The following ANO4 variants were observed in gnomAD, a reference collection of about 807,000 sequenced individuals.
The protein encoded by ANO4 is anoctamin 4, also known as anoctamin-4.
ANO4 carries 69 observed loss-of-function variants against 141.9 expected under a neutral mutation model. The ratio of observed to expected loss-of-function variants is 0.49; its 90% CI spans 0.40 to 0.59. ANO4 has a LOEUF of 0.59. ANO4 is among the 20% of genes least tolerant of loss of function. ANO4 has a pLI of 0.00. For missense variants in ANO4, 894 were observed against 1,162.2 expected (o/e 0.77, Z 3.36); for synonymous variants, 350 against 394.3 (o/e 0.89, Z 1.33).
rs1380039563 is a variant in ANO4 at position 101,128,345 on chromosome 12, T to TA, written c.*491dup. The TA allele has an allele frequency of 1.3e-5, 2 of 152,662 alleles. No individual in the cohort carries two copies. The highest frequency in any genetic ancestry group is 4.8e-5 in the African/African-American group (2 of 41,456). The allele number at this position is 152,662 out of a possible 1,614,324, so 9.5% of individuals were successfully genotyped here. A position where few individuals can be genotyped will look rare whatever the true frequency, so the allele number is the denominator to read the frequency against. On this transcript the variant is annotated 3_prime_UTR_variant, in exon 28 of 28. Transcript: ENST00000392977. ...TTACAACTTTTTCTTTCCTTTTTTT[T>TA]AATTTTAGACCTTTCTGAGAAGATT...
At chr12:101,081,082 C>T (rs1221142305) in intron 15 of ANO4, among the ~76,000 whole-genome samples, 1 of 150,360 alleles carries the variant, frequency 6.7e-6, no homozygotes, top group African/African-American at 2.5e-5. Flanking sequence ...AGAAGCTTCC[C>T]AGGCTGACTA....
chr12:100,726,038 C>T (rs1360773378), intron 1 of ANO4, among the ~76,000 whole-genome samples: 1 of 152,168 alleles, frequency 6.6e-6, no homozygotes, highest in Non-Finnish European at 1.5e-5. Flanking sequence ...CCATTTACCT[C>T]GTGATGTGAA....
chr12:100,751,102 T>G (rs2032354637), intron 3 of ANO4, among the ~76,000 whole-genome samples: 1 of 152,168 alleles, frequency 6.6e-6, no homozygotes. Context: ...CATCATTGCC[T>G]GGATGCAAGC....
intron 4 of ANO4, among the ~76,000 whole-genome samples, chr12:100,939,972 C>T (rs1189130119): frequency 6.6e-6 from 1 of 152,088 alleles, no homozygotes; most frequent in African/African-American, 2.4e-5. Context: ...CAGGTTGTGT[C>T]TCAATAGAGT....
chr12:100,959,124 A>ACG (rs375943539), intron 5 of ANO4, among the ~76,000 whole-genome samples: 16 of 152,002 alleles, frequency 1.1e-4, no homozygotes, highest in African/African-American at 3.6e-4. Flanking sequence ...ACAGACACAC[A>ACG]CACACAGTTC....
intron 2 of ANO4, among the ~76,000 whole-genome samples, chr12:100,916,076 G>A (rs1253094133): frequency 6.6e-6 from 1 of 152,006 alleles, no homozygotes; most frequent in African/African-American, 2.4e-5. Flanking sequence ...ATGTGTCACA[G>A]CAGAAAAACC....
chr12:100,902,491 C>T (rs937141162), intron 2 of ANO4, among the ~76,000 whole-genome samples: 3 of 152,286 alleles, frequency 2.0e-5, no homozygotes, highest in Non-Finnish European at 4.4e-5. Context: ...AAGGAAATAT[C>T]AGTGACCAAG....
At position 100,782,501 on chromosome 12, in the gene ANO4, T is replaced by C. The variant is rs1036043391; in HGVS notation, c.358+42396T>C. 2.0e-5 allele frequency among the ~76,000 whole-genome samples: 3 copies of C among 152,306 alleles called. No individual in the cohort carries two copies. The South Asian group carries it at 6.2e-4, about 32-fold the overall frequency. Reference sequence around the variant, plus strand: ...ATTTATCTGCCTCTCTTCTTTCCCCTCTGCCAGTCCTTAGTCACTTTCTCT... The same window carrying C: ...ATTTATCTGCCTCTCTTCTTTCCCCCCTGCCAGTCCTTAGTCACTTTCTCT... On this transcript the variant is annotated intron_variant, in intron 3 of 29. Coordinates refer to the ANO4 transcript ENST00000644049.
intron 1 of ANO4, among the ~76,000 whole-genome samples, chr12:100,839,536 C>T (rs913884418): frequency 5.9e-5 from 9 of 152,090 alleles, no homozygotes; most frequent in Admixed American, 2.0e-4. Flanking sequence ...AGTATTCTTT[C>T]ATAGTTTAAT....
chr12:100,951,032 T>C (rs1020587882), intron 5 of ANO4, among the ~76,000 whole-genome samples: 15 of 152,204 alleles, frequency 9.9e-5, no homozygotes, highest in Non-Finnish European at 4.4e-5. Flanking sequence ...ATGTTGCTAG[T>C]GTAATCACTT....
At chr12:101,103,140 A>G (rs1468040049) in intron 22 of ANO4, among the ~76,000 whole-genome samples, 1 of 142,754 alleles carries the variant, frequency 7.0e-6, no homozygotes, top group Non-Finnish European at 1.5e-5. Context: ...TAATTGTATC[A>G]TCCACATATA....
intron 1 of ANO4, among the ~76,000 whole-genome samples, chr12:100,727,716 C>A (rs1293618730): frequency 6.6e-6 from 1 of 151,848 alleles, no homozygotes; most frequent in Admixed American, 6.6e-5. Context: ...TTACTTTGTT[C>A]TTTCTCTGTA....
At chr12:100,814,815 G>T (rs2035640302) in intron 1 of ANO4, among the ~76,000 whole-genome samples, 1 of 152,138 alleles carries the variant, frequency 6.6e-6, no homozygotes, top group Non-Finnish European at 1.5e-5. Flanking sequence ...CAAGTGAGAG[G>T]AATCCTTATT....
chr12:100,839,175 G>A lies in ANO4; in HGVS notation c.-141+44148G>A, dbSNP rs145225764. On this transcript the variant is annotated intron_variant, in intron 1 of 27. Transcript: ENST00000392977. ...GTCTTATACTTCTGCTGGCCAGGCC[G>A]TAATTGTGATATCATTGCTTTTGAT... 7.5e-3 allele frequency among the ~76,000 whole-genome samples: 1,143 copies of A among 152,206 alleles called. 11 individuals are homozygous for A. Among genetic ancestry groups the A allele is most frequent in the African/African-American group, 0.025 (1,052 of 41,526 alleles).
intron 7 of ANO4, among the ~76,000 whole-genome samples, chr12:100,981,660 A>G (rs17030834): frequency 0.025 from 3,841 of 152,272 alleles, 207 homozygotes; most frequent in East Asian, 0.22. Flanking sequence ...CATTTAATTC[A>G]GTCTGATTAG....
Position 100,813,112 on chromosome 12 carries a change from C to T in ANO4, c.-141+18085C>T, listed in dbSNP as rs545108162. Among the ~76,000 whole-genome samples the T allele has an allele frequency of 3.3e-5, 5 of 152,274 alleles. No homozygotes were observed. In the South Asian group the frequency reaches 6.2e-4, roughly 19 times the overall value. On this transcript the variant is annotated intron_variant, in intron 1 of 27. Coordinates refer to ENST00000392977, the MANE Select transcript of ANO4 (RefSeq NM_001286615.2). ...TGTAGCTAGTTAAGGAGAGACCTGG[C>T]GTCCTAGCAGTGTCAAATGAAAGCT...
At chr12:101,091,076 C>T (rs963645287) in intron 17 of ANO4, among the ~76,000 whole-genome samples, 1 of 152,170 alleles carries the variant, frequency 6.6e-6, no homozygotes, top group African/African-American at 2.4e-5. Flanking sequence ...AGGTAGAGTT[C>T]ACACTCGAAA....
chr12:101,009,367 G>T (rs933624286), intron 8 of ANO4, among the ~76,000 whole-genome samples: 1 of 152,056 alleles, frequency 6.6e-6, no homozygotes, highest in African/African-American at 2.4e-5. Context: ...AGAACTGTGA[G>T]AAAACAAATT....
rs988672606 is a variant in ANO4, at chr12:100,869,292, G to A, written c.-140-32354G>A. On this transcript the variant is annotated intron_variant, in intron 1 of 27. Coordinates refer to ENST00000392977, the MANE Select transcript of ANO4 (RefSeq NM_001286615.2). ...TCTTATGAAAGATTTCTTATGTAAG[G>A]GATGTAGGCTGTCTCATATTTCTCC... Among the ~76,000 whole-genome samples, 22 of 152,198 alleles carry A rather than the reference G, an allele frequency of 1.4e-4. 1 individual carries two copies. In the East Asian group the frequency reaches 1.5e-3, roughly 11 times the overall value.
Sources: gnomAD v4.1 joint callset for allele counts (sites outside exome capture counted in the v4.1 genomes callset) on GRCh38, gnomAD v4.1.1 for gene constraint, MANE v1.5 for transcripts, NCBI Gene and HGNC (gene_info 2026-07-23, HGNC 2026-07-21) for gene names.